The following SDK1 variants were observed in gnomAD, a reference collection of about 807,000 sequenced individuals.
The protein encoded by SDK1 is sidekick cell adhesion molecule 1.
A neutral mutation model predicts 245.5 loss-of-function variants in SDK1; 157 were observed. The ratio of observed to expected loss-of-function variants is 0.64; its 90% CI spans 0.56 to 0.73. The LOEUF (loss-of-function observed/expected upper bound fraction) is 0.73, where lower values mean the gene tolerates loss of function less well. Among genes scored for constraint, SDK1 ranks in the 30% least tolerant of loss-of-function variants. The pLI, the probability that SDK1 is intolerant of heterozygous loss-of-function variation, is 0.00. For missense variants in SDK1, 3,583 were observed against 3,002.3 expected (o/e 1.19, Z -4.52); for synonymous variants, 1,647 against 1,278.5 (o/e 1.29, Z -6.15).
intron 3 of SDK1, among the ~76,000 whole-genome samples, chr7:3,640,054 A>G (rs1782602253): frequency 6.6e-6 from 1 of 152,168 alleles, no homozygotes; most frequent in Non-Finnish European, 1.5e-5. Context: ...GAGGGATCGC[A>G]CTGCATTGCC....
chr7:3,684,082 C>G (rs532854764), intron 4 of SDK1, among the ~76,000 whole-genome samples: 1 of 152,296 alleles, frequency 6.6e-6, no homozygotes, highest in African/African-American at 2.4e-5. Flanking sequence ...GTGGTGGTGG[C>G]AGGCCTCAGT....
At chr7:3,834,645 C>G (rs142328674) in intron 5 of SDK1, among the ~76,000 whole-genome samples, 2 of 152,136 alleles carry the variant, frequency 1.3e-5, no homozygotes, top group African/African-American at 4.8e-5. Flanking sequence ...TCAGTGCCCC[C>G]CAGGAAGACT....
intron 1 of SDK1, among the ~76,000 whole-genome samples, chr7:3,439,043 G>C (rs1252915905): frequency 5.3e-5 from 8 of 151,728 alleles, no homozygotes; most frequent in Non-Finnish European, 1.2e-4. Flanking sequence ...AGTAGAGATG[G>C]GGTTTTACCA....
Position 3,580,996 on chromosome 7 carries a change from C to CAAAAAAA in SDK1, c.299-38080_299-38079insAAAAAAA, listed in dbSNP as rs1418335916. On this transcript the variant is annotated intron_variant, in intron 1 of 44. Transcript: ENST00000404826. ...AAAAAAAAAAAAAAAAAAAAAAAACCAAAACAAAACCCTGGAAGACAATCT... is the reference window on the plus strand; with the variant it reads ...AAAAAAAAAAAAAAAAAAAAAAAACCAAAAAAAAAAACAAAACCCTGGAAGACAATCT... Among the ~76,000 whole-genome samples, 671 of 92,908 alleles carry CAAAAAAA rather than the reference C, an allele frequency of 7.2e-3. 116 individuals are homozygous for CAAAAAAA. Among genetic ancestry groups the CAAAAAAA allele is most frequent in the East Asian group, 0.017 (47 of 2,772 alleles). 61.0% of individuals were successfully genotyped at this position (92,908 alleles called of 152,430 possible).
chr7:3,931,332 C>CA (rs1213573923), intron 5 of SDK1, among the ~76,000 whole-genome samples: 1 of 152,182 alleles, frequency 6.6e-6, no homozygotes, highest in African/African-American at 2.4e-5. Context: ...ACCCTAAGTG[C>CA]AAATGTTCAT....
chr7:3,360,954 A>G (rs1411587720), intron 1 of SDK1, among the ~76,000 whole-genome samples: 2 of 152,214 alleles, frequency 1.3e-5, no homozygotes, highest in African/African-American at 4.8e-5. Flanking sequence ...TTGAATAGTA[A>G]GGCCTCCAAT....
chr7:4,061,810 T>C (rs1457812551), intron 19 of SDK1, among the ~76,000 whole-genome samples: 1 of 151,904 alleles, frequency 6.6e-6, no homozygotes, highest in Non-Finnish European at 1.5e-5. Context: ...CCATAAAAAA[T>C]GATGAATTCA....
chr7:4,025,803 A>T (rs1297760098), intron 17 of SDK1, among the ~76,000 whole-genome samples: 2 of 151,788 alleles, frequency 1.3e-5, no homozygotes, highest in Admixed American at 6.6e-5. Context: ...TTCTGCCCTG[A>T]CTCTTGCTGT....
chr7:3,985,650 T>C (rs372234073), intron 13 of SDK1, among the ~76,000 whole-genome samples: 2 of 152,152 alleles, frequency 1.3e-5, no homozygotes, highest in East Asian at 3.9e-4. Context: ...AGAAACAAAC[T>C]ATTCCTTTTC....
intron 1 of SDK1, among the ~76,000 whole-genome samples, chr7:3,387,841 C>T (rs78895327): frequency 0.051 from 7,733 of 152,238 alleles, 543 homozygotes; most frequent in African/African-American, 0.16. Context: ...ACATTGTACA[C>T]GTTGCGGTTT....
At position 3,736,408 on chromosome 7, in the gene SDK1, T is replaced by C. The variant is rs188282895; in HGVS notation, c.714-85042T>C. ...CCCGGGTTCACGCCCTTCTCCTGCC[T>C]CAGCCTCCCAAGTAGCTGCCATGCC... On this transcript the variant is annotated intron_variant, in intron 4 of 44. Transcript: ENST00000404826. Among the ~76,000 whole-genome samples, 84 of 152,272 alleles carry C rather than the reference T, an allele frequency of 5.5e-4. 2 individuals are homozygous for C. Among genetic ancestry groups the C allele is most frequent in the African/African-American group, 1.8e-3 (73 of 41,572 alleles).
chr7:3,425,985 GT>G (rs1562479405), intron 1 of SDK1, among the ~76,000 whole-genome samples: 1 of 152,180 alleles, frequency 6.6e-6, no homozygotes, highest in East Asian at 1.9e-4. Context: ...TTTTTAATCT[GT>G]AAATGGCAAC....
intron 4 of SDK1, among the ~76,000 whole-genome samples, chr7:3,721,683 G>A (rs1366754101): frequency 1.3e-5 from 2 of 152,124 alleles, no homozygotes; most frequent in Non-Finnish European, 1.5e-5. Flanking sequence ...AGTGCATTGT[G>A]TGCTCACTGA....
At chr7:3,954,237 A>ACCCTCCC (rs1781057985) in intron 7 of SDK1, among the ~76,000 whole-genome samples, 2 of 23,548 alleles carry the variant, frequency 8.5e-5, no homozygotes. Context: ...TACGCCCTCC[A>ACCCTCCC]CCCTCCCCTC....
At chr7:3,672,866 C>T (rs909216944) in intron 4 of SDK1, among the ~76,000 whole-genome samples, 5 of 143,004 alleles carry the variant, frequency 3.5e-5, no homozygotes, top group African/African-American at 1.0e-4. Context: ...ATGAGGGCCC[C>T]ATCCCCACCC....
intron 1 of SDK1, among the ~76,000 whole-genome samples, chr7:3,447,892 C>T (rs998561002): frequency 1.3e-5 from 2 of 151,798 alleles, no homozygotes; most frequent in African/African-American, 4.8e-5. Flanking sequence ...TTAGTAGAGA[C>T]AGGGTTTCTC....
chr7:4,087,479 G>GCGCACA (rs1554336240), intron 22 of SDK1, among the ~76,000 whole-genome samples: 31 of 150,362 alleles, frequency 2.1e-4, no homozygotes, highest in Middle Eastern at 6.9e-3. Context: ...ACACACGCGC[G>GCGCACA]CACACACACA....
chr7:3,466,495 T>G (rs1284363333), intron 1 of SDK1, among the ~76,000 whole-genome samples: 1 of 148,454 alleles, frequency 6.7e-6, no homozygotes, highest in Admixed American at 6.8e-5. Flanking sequence ...CTAAGTTGTG[T>G]GTTGTCAGTT....
intron 4 of SDK1, among the ~76,000 whole-genome samples, chr7:3,788,083 G>A (rs1780960926): frequency 6.6e-6 from 1 of 152,164 alleles, no homozygotes; most frequent in African/African-American, 2.4e-5. Flanking sequence ...CAAAGCTGCA[G>A]CCCCACCTCC....
Sources: gnomAD v4.1 joint callset for allele counts (sites outside exome capture counted in the v4.1 genomes callset) on GRCh38, gnomAD v4.1.1 for gene constraint, MANE v1.5 for transcripts, NCBI Gene and HGNC (gene_info 2026-07-23, HGNC 2026-07-21) for gene names.